The following PREX2 variants were observed in gnomAD, a reference collection of about 807,000 sequenced individuals.
PREX2 encodes the protein phosphatidylinositol-3,4,5-trisphosphate dependent Rac exchange factor 2.
A neutral mutation model predicts 203.2 loss-of-function variants in PREX2; 107 were observed. That is an observed-to-expected ratio of 0.53 (90% CI 0.45 to 0.62). The LOEUF is 0.62. PREX2 is among the 20% of genes least tolerant of loss of function. The probability of loss-of-function intolerance (pLI) is 0.00; values close to 1 mark genes in which losing one functional copy is unlikely to be tolerated. For missense variants in PREX2, 1,777 were observed against 1,955.9 expected, an observed-to-expected ratio of 0.91 and a Z score of 1.72; for synonymous variants, 672 against 663.6, an observed-to-expected ratio of 1.01 and a Z score of -0.19.
chr8:67,967,168 G>C (rs1805800870), intron 1 of PREX2, among the ~76,000 whole-genome samples: 1 of 152,170 alleles, frequency 6.6e-6, no homozygotes, highest in Admixed American at 6.5e-5. Context: ...CAGGAGGAAA[G>C]TGCCAATTGA....
intron 25 of PREX2, chr8:68,114,249 G>A: frequency 4.2e-6 from 2 of 481,218 alleles, no homozygotes; most frequent in East Asian, 5.8e-5. Flanking sequence ...CACTTAATAG[G>A]TATTTATTCA....
At chr8:68,032,317 TA>T (rs1807909800) in intron 6 of PREX2, among the ~76,000 whole-genome samples, 1 of 152,160 alleles carries the variant, frequency 6.6e-6, no homozygotes, top group African/African-American at 2.4e-5. Context: ...CTGTCGTTTT[TA>T]AATTCTACAG....
intron 2 of PREX2, 141 bp downstream of exon 2, chr8:68,018,058 A>G: frequency 1.5e-6 from 1 of 649,400 alleles, no homozygotes; most frequent in Non-Finnish European, 2.8e-6. Flanking sequence ...ATTGGTAATA[A>G]TTTTAAAAAG....
intron 37 of PREX2, among the ~76,000 whole-genome samples, chr8:68,198,012 A>C (rs1421455665): frequency 6.6e-6 from 1 of 151,910 alleles, no homozygotes; most frequent in Admixed American, 6.6e-5. Context: ...TTTTCCATTA[A>C]TCTAAAAGAA....
At chr8:68,135,614 C>T (rs1811101309) in intron 32 of PREX2, among the ~76,000 whole-genome samples, 1 of 152,004 alleles carries the variant, frequency 6.6e-6, no homozygotes, top group Non-Finnish European at 1.5e-5. Flanking sequence ...ATTTTGTCAC[C>T]CTCCTAAGTT....
chr8:68,033,113 A>G (rs1445410867), intron 6 of PREX2, among the ~76,000 whole-genome samples: 1 of 152,206 alleles, frequency 6.6e-6, no homozygotes, highest in Non-Finnish European at 1.5e-5. Context: ...GTTTTAAACA[A>G]TAAAATCTCT....
intron 6 of PREX2, among the ~76,000 whole-genome samples, chr8:68,035,209 T>C (rs2129610630): frequency 6.6e-6 from 1 of 152,260 alleles, no homozygotes; most frequent in South Asian, 2.1e-4. Flanking sequence ...CTTATGTTTG[T>C]TTTCATAGTA....
At chr8:68,024,580 G>T (rs1307717138) in intron 4 of PREX2, among the ~76,000 whole-genome samples, 1 of 151,588 alleles carries the variant, frequency 6.6e-6, no homozygotes, top group African/African-American at 2.4e-5. Context: ...GCATATTGTT[G>T]GGTCTACTTT....
intron 35 of PREX2, among the ~76,000 whole-genome samples, chr8:68,183,594 G>A (rs1446759333): frequency 3.9e-5 from 6 of 151,982 alleles, no homozygotes; most frequent in South Asian, 2.1e-4. Context: ...TGTACATATC[G>A]CAGGAGCAGG....
At chr8:68,061,982 A>T (rs1462075668) in intron 11 of PREX2, among the ~76,000 whole-genome samples, 1 of 152,124 alleles carries the variant, frequency 6.6e-6, no homozygotes, top group Non-Finnish European at 1.5e-5. Flanking sequence ...ATAAATATGG[A>T]TGTTTGGCTA....
intron 3 of PREX2, among the ~76,000 whole-genome samples, chr8:68,020,233 C>T (rs996354492): frequency 1.1e-4 from 17 of 148,490 alleles, no homozygotes; most frequent in African/African-American, 4.2e-4. Flanking sequence ...ATTTTCATCT[C>T]TTTATAAATG....
rs573285380 is a variant in PREX2 at position 68,051,200 on chromosome 8, T to C, written c.944-1897T>C. On this transcript the variant is annotated intron_variant, in intron 8 of 39. Coordinates refer to ENST00000288368, the MANE Select transcript of PREX2 (RefSeq NM_024870.4). ...TGCGGTGGCAGGAGCATGACTTGAA[T>C]GATTTTGGCACATGAACTTGTGTTC... is the stretch of plus-strand genomic sequence containing the variant. Among the ~76,000 whole-genome samples, 5 of 151,988 alleles carry C rather than the reference T, an allele frequency of 3.3e-5. No homozygotes were observed. The South Asian group carries it at 6.2e-4, about 19-fold the overall frequency.
chr8:68,120,690 G>T (rs1810754017), intron 29 of PREX2, among the ~76,000 whole-genome samples: 1 of 152,098 alleles, frequency 6.6e-6, no homozygotes, highest in Non-Finnish European at 1.5e-5. Context: ...ACTAGTTTGG[G>T]ATAATGAAAG....
At chr8:67,980,451 G>T (rs1277230452) in intron 1 of PREX2, among the ~76,000 whole-genome samples, 1 of 142,294 alleles carries the variant, frequency 7.0e-6, no homozygotes, top group Non-Finnish European at 1.6e-5. Flanking sequence ...GCAAAATGGA[G>T]GGGGAAGGGC....
intron 37 of PREX2, among the ~76,000 whole-genome samples, chr8:68,203,719 A>T (rs1360092381): frequency 6.6e-6 from 1 of 152,152 alleles, no homozygotes; most frequent in Admixed American, 6.5e-5. Flanking sequence ...GGTGCCTCAC[A>T]TCCCCGTCCT....
At chr8:68,156,310 C>A (rs1323503737) in intron 34 of PREX2, among the ~76,000 whole-genome samples, 4 of 152,162 alleles carry the variant, frequency 2.6e-5, no homozygotes, top group Non-Finnish European at 4.4e-5. Context: ...AATGATCCAC[C>A]AGCCTTGGCT....
intron 11 of PREX2, among the ~76,000 whole-genome samples, chr8:68,062,066 C>T (rs1808872366): frequency 6.6e-6 from 1 of 152,128 alleles, no homozygotes; most frequent in Non-Finnish European, 1.5e-5. Flanking sequence ...TTTCTTATCA[C>T]ACTGGGTGTT....
chr8:68,147,411 G>T (rs1811350132), intron 34 of PREX2, among the ~76,000 whole-genome samples: 1 of 152,086 alleles, frequency 6.6e-6, no homozygotes, highest in South Asian at 2.1e-4. Context: ...TTGAATAATG[G>T]GGGTGGGTCT....
intron 3 of PREX2, 62 bp downstream of exon 3, chr8:68,019,733 T>C: frequency 6.7e-7 from 1 of 1,482,074 alleles, no homozygotes; most frequent in Non-Finnish European, 9.2e-7. Flanking sequence ...ATTTAGCTCT[T>C]GGCATAGTGG....
Sources: allele counts gnomAD v4.1 joint callset (sites outside exome capture counted in the v4.1 genomes callset), GRCh38; gene constraint gnomAD v4.1.1; transcripts MANE v1.5; gene names NCBI Gene and HGNC (gene_info 2026-07-23, HGNC 2026-07-21).